CDC27: variants seen among roughly 807,000 people sequenced by gnomAD.
CDC27 encodes the protein cell division cycle protein 27 homolog.
Under a neutral mutation model 109.7 loss-of-function variants are expected in CDC27, and 27 were observed. That is an observed-to-expected ratio of 0.25 (90% CI 0.18 to 0.34). CDC27 has a LOEUF of 0.34. Among genes scored for constraint, CDC27 ranks in the 10% least tolerant of loss-of-function variants. CDC27 has a pLI of 1.00. For synonymous variants in CDC27, 266 were observed against 333.9 expected (o/e 0.80, Z 2.22); for missense variants, 579 against 960.2 (o/e 0.60, Z 5.25).
At chr17:47,170,683 T>C (rs528327756) in intron 3 of CDC27, among the ~76,000 whole-genome samples, 35 of 152,316 alleles carry the variant, frequency 2.3e-4, no homozygotes, top group African/African-American at 8.2e-4. Flanking sequence ...GAACAGAAGA[T>C]GATTACTATA....
intron 15 of CDC27, 66 bp from the exon 16 acceptor site, chr17:47,129,587 G>C (rs553775237): frequency 1.7e-6 from 2 of 1,173,500 alleles, no homozygotes; most frequent in African/African-American, 3.1e-5. Flanking sequence ...GAGAACCAAC[G>C]TGACTCAAAA....
intron 4 of CDC27, chr17:47,159,483 C>T (rs994964802): frequency 2.0e-5 from 11 of 557,136 alleles, no homozygotes; most frequent in African/African-American, 7.8e-5. Context: ...CCTGGGGGTG[C>T]GACGAGGCGC....
At position 47,132,300 on chromosome 17, in the gene CDC27, T is replaced by C. The variant is rs1344245315; in HGVS notation, c.1988A>G (p.Asp663Gly). The C allele has an allele frequency of 9.3e-6, 15 of 1,604,640 alleles. No homozygotes were observed. The change falls in exon 15 of 19, where the codon GAT becomes GGT. Residue 663 changes from aspartate (D) to glycine (G), a missense_variant. Physicochemically the swap from Asp to Gly is moderately conservative, Grantham distance 94. Around this residue, in one of 9 missense-constraint regions of CDC27, gnomAD observed 227 missense variants for 363.6 expected, o/e 0.62. Transcript: ENST00000066544. ...LAEMHFQKAL[D>G]INPQSSVLLC... ...TAAAACTGAACTTTGAGGGTTGATA[T>C]CAAGCGCTTTTTGGAAATGCATTTC...
Position 47,143,983 on chromosome 17 carries a change from CTA to C in CDC27, c.1071-3_1071-2del. Reference sequence around the variant, plus strand: ...GGGGCTCAATACCTGAGGTGTTGTACTAAAAAAAAATTATAAAGGAAGACATT... The same window carrying C: ...GGGGCTCAATACCTGAGGTGTTGTACAAAAAAAATTATAAAGGAAGACATT... On this transcript the variant is annotated splice_acceptor_variant and splice_polypyrimidine_tract_variant and intron_variant, in intron 9 of 18. Transcript: ENST00000066544. LOFTEE classifies it high-confidence loss of function. 7.3e-7 allele frequency: 1 copy of C among 1,372,264 alleles called. No homozygotes were observed. The highest frequency in any genetic ancestry group is 9.6e-7 in the Non-Finnish European group (1 of 1,039,948). The allele number at this position is 1,372,264 out of a possible 1,614,324, so 85.0% of individuals were successfully genotyped here.
chr17:47,155,784 C>G (rs915137570), intron 7 of CDC27, among the ~76,000 whole-genome samples: 2 of 152,080 alleles, frequency 1.3e-5, no homozygotes, highest in African/African-American at 4.8e-5. Context: ...GACCCCATCT[C>G]TACAAAAACA....
At chr17:47,153,753 C>T (rs1289053084) in intron 8 of CDC27, among the ~76,000 whole-genome samples, 1 of 152,032 alleles carries the variant, frequency 6.6e-6, no homozygotes, top group African/African-American at 2.4e-5. Flanking sequence ...GGTATTTTGG[C>T]CTCTATTTCC....
At chr17:47,161,939 G>A (rs2148935823) in intron 4 of CDC27, 1 of 151,790 alleles carries the variant, frequency 6.6e-6, no homozygotes, top group South Asian at 2.1e-4. Flanking sequence ...CTTCTACAGA[G>A]ATGACAACTA....
At chr17:47,158,512 A>G (rs1375335836) in intron 4 of CDC27, among the ~76,000 whole-genome samples, 4 of 152,192 alleles carry the variant, frequency 2.6e-5, no homozygotes, top group Non-Finnish European at 4.4e-5. Context: ...TTACAAAACA[A>G]ACTATCGTTG....
chr17:47,184,453 C>G (rs2064354043), intron 1 of CDC27, among the ~76,000 whole-genome samples: 1 of 152,044 alleles, frequency 6.6e-6, no homozygotes, highest in South Asian at 2.1e-4. Flanking sequence ...TACTATGGAC[C>G]ACTAGGAAAA....
intron 5 of CDC27, among the ~76,000 whole-genome samples, chr17:47,157,814 CA>C (rs1243569869): frequency 6.6e-6 from 1 of 152,212 alleles, no homozygotes; most frequent in African/African-American, 2.4e-5. Flanking sequence ...TATCCTAGGC[CA>C]AATATACTGA....
intron 15 of CDC27, among the ~76,000 whole-genome samples, chr17:47,130,721 C>T (rs1414868352): frequency 6.6e-6 from 1 of 151,728 alleles, no homozygotes; most frequent in Non-Finnish European, 1.5e-5. Flanking sequence ...ACTAAAAATA[C>T]AAAAAATTAG....
At chr17:47,181,253 T>TAAA (rs1719912257) in intron 2 of CDC27, 3 of 22,362 alleles carry the variant, frequency 1.3e-4, no homozygotes, top group African/African-American at 1.0e-3. Context: ...AGACCCTGTT[T>TAAA]CAAAAAAAAA....
intron 4 of CDC27, chr17:47,159,452 T>G (rs1346715865): frequency 1.5e-6 from 1 of 680,526 alleles, no homozygotes; most frequent in African/African-American, 1.8e-5. Context: ...TGGGCACACG[T>G]GCCAAGACGA....
At chr17:47,130,360 AAAAAAT>A (rs1261436212) in intron 15 of CDC27, among the ~76,000 whole-genome samples, 5 of 152,176 alleles carry the variant, frequency 3.3e-5, no homozygotes, top group African/African-American at 9.6e-5. Flanking sequence ...ACTCCGTCTC[AAAAAAT>A]AAAAATAAAA....
chr17:47,147,507 T>C (rs113188393), intron 9 of CDC27, among the ~76,000 whole-genome samples: 32 of 149,786 alleles, frequency 2.1e-4, no homozygotes, highest in African/African-American at 7.4e-4. Flanking sequence ...TAAGAAACAC[T>C]TAGAAATAAC....
At chr17:47,141,096 G>C (rs533170845) in intron 12 of CDC27, among the ~76,000 whole-genome samples, 18 of 152,276 alleles carry the variant, frequency 1.2e-4, no homozygotes, top group African/African-American at 4.3e-4. Flanking sequence ...CTGACTAGCT[G>C]TAATACAGAG....
intron 10 of CDC27, 27 bp downstream of exon 10, chr17:47,143,856 T>C: frequency 9.0e-7 from 1 of 1,111,750 alleles, no homozygotes; most frequent in Non-Finnish European, 1.2e-6. Flanking sequence ...ATTAAGTAAA[T>C]GTGACATACA....
At chr17:47,188,315 T>C (rs984184937) in intron 1 of CDC27, among the ~76,000 whole-genome samples, 7 of 151,904 alleles carry the variant, frequency 4.6e-5, no homozygotes, top group African/African-American at 1.7e-4. Flanking sequence ...GGGGGGAAAA[T>C]GACTTGGCAC....
At chr17:47,164,210 T>TATAG (rs1365095543) in intron 4 of CDC27, among the ~76,000 whole-genome samples, 3 of 152,184 alleles carry the variant, frequency 2.0e-5, no homozygotes, top group African/African-American at 7.2e-5. Flanking sequence ...GGTTATACAA[T>TATAG]ATAGCCTAGG....
Sources: allele counts gnomAD v4.1 joint callset (sites outside exome capture counted in the v4.1 genomes callset), GRCh38; gene constraint gnomAD v4.1.1; regional missense constraint gnomAD v4.1.1; transcripts MANE v1.5; gene names NCBI Gene and HGNC (gene_info 2026-07-23, HGNC 2026-07-21).